KLHL21: variants seen among roughly 807,000 people sequenced by gnomAD.
KLHL21 encodes kelch-like protein 21.
Under a neutral mutation model 44.1 loss-of-function variants are expected in KLHL21, and 42 were observed. The ratio of observed to expected loss-of-function variants is 0.95; its 90% confidence interval spans 0.74 to 1.23. The LOEUF is 1.23. KLHL21 is among the 50% of genes most tolerant of loss of function. KLHL21 has a pLI of 0.00. For missense variants in KLHL21, 918 were observed against 889.1 expected (o/e 1.03, Z -0.41); for synonymous variants, 524 against 411.6 (o/e 1.27, Z -3.31).
At position 6,599,753 on chromosome 1, in the gene KLHL21, TCAG is replaced by T; in HGVS notation, c.1022-304_1022-302del. ...ACCGCCCCCCAGCCATACATACACC[TCAG>T]CAGACCAGAGCCCTGGGCCTTGGGA... is the stretch of plus-strand genomic sequence containing the variant. On this transcript the variant is annotated intron_variant, in intron 1 of 3. Coordinates refer to ENST00000377658, the MANE Select transcript of KLHL21 (RefSeq NM_014851.4). The T allele has an allele frequency of 7.5e-6, 3 of 399,146 alleles. No homozygotes were observed. In the South Asian group the frequency reaches 9.7e-5, roughly 13 times the overall value. The allele number at this position is 399,146 out of a possible 1,614,324, so 24.7% of individuals were successfully genotyped here. A position where few individuals can be genotyped will look rare whatever the true frequency, so the allele number is the denominator to read the frequency against.
intron 3 of KLHL21, 86 bp from the exon 4 acceptor site, chr1:6,593,744 G>A (rs1640887454): frequency 6.8e-7 from 1 of 1,464,362 alleles, no homozygotes; most frequent in Non-Finnish European, 9.0e-7. Context: ...GACAAGGCAT[G>A]CCCTGTCAGT....
At chr1:6,596,179 G>T (rs1028008026) in intron 2 of KLHL21, among the ~76,000 whole-genome samples, 1 of 152,236 alleles carries the variant, frequency 6.6e-6, no homozygotes, top group Non-Finnish European at 1.5e-5. Context: ...CTGGTGGAGT[G>T]CCTGAGGTCA....
chr1:6,592,928 C>G lies in KLHL21; in HGVS notation c.*437G>C, dbSNP rs148506019. On this transcript the variant is annotated 3_prime_UTR_variant, in exon 4 of 4. Coordinates refer to ENST00000377658, the MANE Select transcript of KLHL21 (RefSeq NM_014851.4). The stretch of plus-strand genomic sequence containing the variant: ...AATTTGGGACCCCACTTCAGCCCGT[C>G]TGCCTGGTCCGCTGCTCCAGGTTCA... 2.8e-3 allele frequency: 467 copies of G among 165,140 alleles called. No individual in the cohort carries two copies. The highest frequency in any genetic ancestry group is 4.5e-3 in the Non-Finnish European group (342 of 76,204). 10.2% of individuals were successfully genotyped at this position (165,140 alleles called of 1,614,324 possible). A position where few individuals can be genotyped will look rare whatever the true frequency, so the allele number is the denominator to read the frequency against.
chr1:6,599,329 C>T lies in KLHL21; in HGVS notation c.1145G>A (p.Gly382Glu). Residue 382 changes from glycine (G) to glutamate (E), a missense_variant, in exon 2 of 4, where the codon GGA becomes GAA. Coordinates refer to ENST00000377658, the MANE Select transcript of KLHL21 (RefSeq NM_014851.4). The part of the protein sequence containing the change: ...REYHSSSVLD[G>E]LLYVVAADST... Reference sequence around the variant, plus strand: ...GTCGGCGGCCACCACGTACAGCAGTCCGTCCAGCACAGAGGAGCTGTGGTA... The same window carrying T: ...GTCGGCGGCCACCACGTACAGCAGTTCGTCCAGCACAGAGGAGCTGTGGTA... 1 of 1,613,948 alleles carries T rather than the reference C, an allele frequency of 6.2e-7. No individual in the cohort carries two copies. The highest frequency in any genetic ancestry group is 8.5e-7 in the Non-Finnish European group (1 of 1,180,034).
rs2232458 is a variant in KLHL21, at chr1:6,599,526, G to A, written c.1022-74C>T. The A allele has an allele frequency of 6.0e-5, 87 of 1,447,550 alleles. No individual in the cohort carries two copies. The East Asian group carries it at 1.0e-3, about 17-fold the overall frequency. 89.7% of individuals were successfully genotyped at this position (1,447,550 alleles called of 1,614,324 possible). ...CCCACCTGCACCCTCCCGAACTTCC[G>A]CAAGGGCCTCTGCCTTGGGAGGAAT... is the stretch of plus-strand genomic sequence containing the variant. On this transcript the variant is annotated intron_variant, in intron 1 of 3. Transcript: ENST00000377658.
chr1:6,601,859 AACTCG>A lies in KLHL21; in HGVS notation c.954_958del (p.Glu319ProfsTer16). ...GTAGCCTCCGCCCAGGTGGTCTGGG[AACTCG>A]GCCAGGTAGCGCCACTGACCCGTCT... On this transcript the variant is annotated frameshift_variant, in exon 1 of 4. Transcript: ENST00000377658. LOFTEE classifies it high-confidence loss of function. 1 of 1,579,772 alleles carries A rather than the reference AACTCG, an allele frequency of 6.3e-7. No homozygotes were observed. Among genetic ancestry groups the A allele is most frequent in the Non-Finnish European group, 8.6e-7 (1 of 1,163,806 alleles).
intron 2 of KLHL21, among the ~76,000 whole-genome samples, chr1:6,596,313 C>T (rs748456483): frequency 1.1e-4 from 17 of 152,184 alleles, no homozygotes; most frequent in African/African-American, 1.7e-4. Flanking sequence ...GTAGGAAAAT[C>T]GCTTGAACCC....
intron 2 of KLHL21, among the ~76,000 whole-genome samples, chr1:6,597,099 G>T (rs927155891): frequency 5.3e-5 from 8 of 152,228 alleles, no homozygotes; most frequent in Non-Finnish European, 1.5e-5. Context: ...GAGCCTGGGC[G>T]CCCCTCCTCT....
intron 2 of KLHL21, among the ~76,000 whole-genome samples, chr1:6,596,260 G>A (rs1318819733): frequency 6.6e-6 from 1 of 152,192 alleles, no homozygotes; most frequent in Non-Finnish European, 1.5e-5. Flanking sequence ...TTAGCCAGGT[G>A]TGGTGGCATG....
At position 6,602,732 on chromosome 1, in the gene KLHL21, C is replaced by A. The variant is rs1039618349; in HGVS notation, c.86G>T (p.Arg29Leu). The A allele has an allele frequency of 6.0e-6, 9 of 1,511,994 alleles. No individual in the cohort carries two copies. Among genetic ancestry groups the A allele is most frequent in the East Asian group, 2.7e-5 (1 of 37,644 alleles). 93.7% of individuals were successfully genotyped at this position (1,511,994 alleles called of 1,614,324 possible). The change falls in exon 1 of 4, where the codon CGC becomes CTC. Residue 29 changes from arginine to leucine, a missense_variant. Arg to Leu is a moderately radical substitution (Grantham distance 102, BLOSUM62 -2). Transcript: ENST00000377658. Reference sequence around the variant, plus strand: ...CACGTCCAGGAACTTGCGCTCGGCGCGCAGCTGGCTCAGGCCGCGCAGCAG... The same window carrying A: ...CACGTCCAGGAACTTGCGCTCGGCGAGCAGCTGGCTCAGGCCGCGCAGCAG... The part of the protein sequence containing the change: ...LSLLRGLSQL[R>L]AERKFLDVTL...
intron 2 of KLHL21, among the ~76,000 whole-genome samples, chr1:6,597,144 G>A (rs775851594): frequency 9.8e-5 from 15 of 152,340 alleles, no homozygotes; most frequent in Admixed American, 5.9e-4. Flanking sequence ...TAAGATGAAC[G>A]CATGCAGCCT....
At chr1:6,599,649 C>T (rs1640987243) in intron 1 of KLHL21, 197 bp from the exon 2 acceptor site, 1 of 607,378 alleles carries the variant, frequency 1.6e-6, no homozygotes, top group South Asian at 2.0e-5. Flanking sequence ...CACTGTCCAG[C>T]GAGATGACTG....
chr1:6,593,752 A>G (rs1570192361), intron 3 of KLHL21, 94 bp from the exon 4 acceptor site: 2 of 1,449,370 alleles, frequency 1.4e-6, no homozygotes, highest in South Asian at 2.9e-5. Flanking sequence ...ATGCCCTGTC[A>G]GTACCCCAGA....
chr1:6,594,117 G>A (rs1399072806), intron 3 of KLHL21: 2 of 990,370 alleles, frequency 2.0e-6, no homozygotes, highest in South Asian at 4.7e-5. Flanking sequence ...CTTACTGCGG[G>A]GAAAACAGAA....
chr1:6,597,323 G>A (rs958593770), intron 2 of KLHL21, among the ~76,000 whole-genome samples: 5 of 152,190 alleles, frequency 3.3e-5, no homozygotes, highest in African/African-American at 1.2e-4. Context: ...TAGGACAGAT[G>A]GGGGAGGGGA....
intron 2 of KLHL21, among the ~76,000 whole-genome samples, chr1:6,598,604 C>T (rs978911832): frequency 1.3e-5 from 2 of 151,960 alleles, no homozygotes; most frequent in African/African-American, 2.4e-5. Flanking sequence ...AAAAACAGAC[C>T]GGGTGCAGTG....
chr1:6,595,256 CAATAA>C, intron 3 of KLHL21: 1 of 636,088 alleles, frequency 1.6e-6, no homozygotes, highest in East Asian at 2.7e-5. Flanking sequence ...AGCAGATACT[CAATAA>C]ACACTGCTCA....
intron 1 of KLHL21, chr1:6,599,689 G>T (rs1640987569): frequency 3.5e-6 from 2 of 569,860 alleles, no homozygotes; most frequent in South Asian, 4.3e-5. Flanking sequence ...CAAAGGTCCT[G>T]AGTGCAATGC....
In KLHL21 at chr1:6,598,992, CAG is replaced by C. The variant is rs1164915272; in HGVS notation, c.1427+53_1427+54del. On this transcript the variant is annotated intron_variant, in intron 2 of 3. Coordinates refer to ENST00000377658, the MANE Select transcript of KLHL21 (RefSeq NM_014851.4). The stretch of plus-strand genomic sequence containing the variant: ...GAACAGCCATGATGTGTGCTTAAGA[CAG>C]GGCCTGGTAAGAGACACCAAACACA... The C allele has an allele frequency of 8.0e-6, 12 of 1,495,736 alleles. No individual in the cohort carries two copies. In the African/African-American group the frequency reaches 1.5e-4, roughly 19 times the overall value. 92.7% of individuals were successfully genotyped at this position (1,495,736 alleles called of 1,614,324 possible).
Sources: gnomAD v4.1 joint callset for allele counts (sites outside exome capture counted in the v4.1 genomes callset) on GRCh38, gnomAD v4.1.1 for gene constraint, MANE v1.5 for transcripts, NCBI Gene and HGNC (gene_info 2026-07-23, HGNC 2026-07-21) for gene names.